Variants in KCNJ4 observed in about 807,000 individuals in gnomAD.
KCNJ4 encodes potassium inwardly rectifying channel subfamily J member 4.
KCNJ4 carries 3 observed loss-of-function variants against 25.6 expected under a neutral mutation model. The observed-to-expected ratio is 0.12, with a 90% CI of 0.05 to 0.30. The LOEUF is 0.30. Among genes scored for constraint, KCNJ4 ranks in the 10% least tolerant of loss-of-function variants. The pLI is 1.00. For missense variants in KCNJ4, 286 were observed against 666.8 expected, an observed-to-expected ratio of 0.43 and a Z score of 6.29; for synonymous variants, 257 against 283.9, an observed-to-expected ratio of 0.91 and a Z score of 0.95.
chr22:38,440,737 C>G (rs2089326319), intron 1 of KCNJ4, among the ~76,000 whole-genome samples: 1 of 151,946 alleles, frequency 6.6e-6, no homozygotes, highest in Non-Finnish European at 1.5e-5. Flanking sequence ...CCATGGAGCT[C>G]AAAAGGAGAT....
chr22:38,434,748 A>G (rs2093060627), intron 1 of KCNJ4, among the ~76,000 whole-genome samples: 1 of 152,144 alleles, frequency 6.6e-6, no homozygotes, highest in Non-Finnish European at 1.5e-5. Flanking sequence ...TCTGCAGCAC[A>G]TGGCCTCTGT....
chr22:38,434,187 C>T (rs914309331), intron 1 of KCNJ4, among the ~76,000 whole-genome samples: 4 of 152,162 alleles, frequency 2.6e-5, no homozygotes, highest in African/African-American at 9.7e-5. Context: ...GCCAGCCTGC[C>T]AGGTTGTCAT....
intron 1 of KCNJ4, among the ~76,000 whole-genome samples, chr22:38,447,625 T>TG (rs1555919467): frequency 6.6e-6 from 1 of 151,746 alleles, no homozygotes; most frequent in African/African-American, 2.4e-5. Context: ...TGCAGGGGGT[T>TG]GGGGGAAGCT....
rs2093036500 is a variant in KCNJ4, at chr22:38,427,527, G to A, written c.606C>T (p.Leu202=). ...VISVRDGKLC[L]MWRVGNLRKS... is the part of the protein sequence containing the mutation. ...TGCGCAGGTTGCCCACGCGCCACAT[G>A]AGGCAGAGCTTGCCGTCGCGCACCG... Residue 202 remains leucine, a synonymous_variant, in exon 2 of 2, where the codon CTC becomes CTT. Coordinates refer to ENST00000303592, the MANE Select transcript of KCNJ4 (RefSeq NM_152868.3). The A allele has an allele frequency of 6.2e-7, 1 of 1,611,770 alleles. No individual in the cohort carries two copies. Among genetic ancestry groups the A allele is most frequent in the East Asian group, 2.2e-5 (1 of 44,786 alleles).
In KCNJ4 at chr22:38,427,518, G is replaced by A. The variant is rs1467009252; in HGVS notation, c.615C>T (p.Arg205=). The change falls in exon 2 of 2, where the codon CGC becomes CGT. Residue 205 remains arginine, a synonymous_variant. Transcript: ENST00000303592. Reference sequence around the variant, plus strand: ...TGTGGCTCTTGCGCAGGTTGCCCACGCGCCACATGAGGCAGAGCTTGCCGT... The same window carrying A: ...TGTGGCTCTTGCGCAGGTTGCCCACACGCCACATGAGGCAGAGCTTGCCGT... ...VRDGKLCLMW[R]VGNLRKSHIV... 1.5e-5 allele frequency: 24 copies of A among 1,611,690 alleles called. 1 individual carries two copies. Among genetic ancestry groups the A allele is most frequent in the East Asian group, 4.5e-5 (2 of 44,820 alleles).
chr22:38,446,243 C>T (rs1205916602), intron 1 of KCNJ4, among the ~76,000 whole-genome samples: 14 of 152,236 alleles, frequency 9.2e-5, no homozygotes, highest in Non-Finnish European at 1.5e-5. Flanking sequence ...TGTCCTCTAG[C>T]CTGTTGTCTC....
chr22:38,440,126 C>T (rs1316326971), intron 1 of KCNJ4, among the ~76,000 whole-genome samples: 1 of 151,936 alleles, frequency 6.6e-6, no homozygotes, highest in East Asian at 1.9e-4. Context: ...TACAACATTC[C>T]TAGCCAGGTG....
intron 1 of KCNJ4, among the ~76,000 whole-genome samples, chr22:38,440,801 A>G (rs916991668): frequency 6.6e-6 from 1 of 152,156 alleles, no homozygotes; most frequent in Admixed American, 6.5e-5. Flanking sequence ...TGAGGGTGGA[A>G]GGGGGTTGTC....
chr22:38,452,184 C>G (rs1373201592), intron 1 of KCNJ4, among the ~76,000 whole-genome samples: 1 of 152,174 alleles, frequency 6.6e-6, no homozygotes, highest in African/African-American at 2.4e-5. Context: ...CTTAAGGGCA[C>G]CTTCTTTCAG....
rs1243029945 is a variant in KCNJ4 at position 38,449,463 on chromosome 22, G to C, written c.-40+5517C>G. On this transcript the variant is annotated intron_variant, in intron 1 of 1. Transcript: ENST00000303592. This position sits in a 1 kb window ranked among gnomAD's most constrained non-coding sequence, Gnocchi z 5.2. ...CTTCCCTCCTGCAGCAATACCCTGA[G>C]AACACTGCTCTCACCCCAGCCACCA... 6.6e-6 allele frequency among the ~76,000 whole-genome samples: 1 copy of C among 152,210 alleles called. No homozygotes were observed. Among genetic ancestry groups the C allele is most frequent in the Non-Finnish European group, 1.5e-5 (1 of 68,018 alleles).
intron 1 of KCNJ4, among the ~76,000 whole-genome samples, chr22:38,433,988 C>T (rs1380499812): frequency 1.3e-5 from 2 of 152,220 alleles, no homozygotes; most frequent in Non-Finnish European, 2.9e-5. Context: ...CGGCAGGTCC[C>T]AGCTACCTGG....
chr22:38,448,798 C>T (rs196088), intron 1 of KCNJ4, among the ~76,000 whole-genome samples: 5 of 152,034 alleles, frequency 3.3e-5, no homozygotes, highest in East Asian at 1.9e-4. Flanking sequence ...CCAATGCAGC[C>T]GCAGACAGGA....
chr22:38,444,392 G>T (rs1176239729), intron 1 of KCNJ4, among the ~76,000 whole-genome samples: 2 of 152,222 alleles, frequency 1.3e-5, no homozygotes, highest in Non-Finnish European at 1.5e-5. Context: ...AGCGGAGGTG[G>T]CCTCTGAGCA....
chr22:38,454,354 T>C (rs2089426175), intron 1 of KCNJ4, among the ~76,000 whole-genome samples: 1 of 151,694 alleles, frequency 6.6e-6, no homozygotes, highest in African/African-American at 2.4e-5. Flanking sequence ...CAGGGGAAGT[T>C]CTCCCTGCGG....
chr22:38,443,134 A>C lies in KCNJ4; in HGVS notation c.-40+11846T>G, dbSNP rs947920993. 1.3e-5 allele frequency among the ~76,000 whole-genome samples: 2 copies of C among 151,846 alleles called. No individual in the cohort carries two copies. The highest frequency in any genetic ancestry group is 4.8e-5 in the African/African-American group (2 of 41,294). On this transcript the variant is annotated intron_variant, in intron 1 of 1. Coordinates refer to ENST00000303592, the MANE Select transcript of KCNJ4 (RefSeq NM_152868.3). This position sits in a 1 kb window ranked among gnomAD's most constrained non-coding sequence, Gnocchi z 4.1. ...GCTCCTCTGTGCCCCCTTCCCTCTC[A>C]GCAGCTCTGATGGAGGCTCTGGACT...
chr22:38,448,559 G>A (rs1225674371), intron 1 of KCNJ4, among the ~76,000 whole-genome samples: 6 of 152,176 alleles, frequency 3.9e-5, no homozygotes, highest in African/African-American at 1.2e-4. Flanking sequence ...CTGGGGAGAA[G>A]GAGCTTAAAG....
chr22:38,430,043 C>G (rs1386071507), intron 1 of KCNJ4, among the ~76,000 whole-genome samples: 3 of 152,140 alleles, frequency 2.0e-5, no homozygotes, highest in Non-Finnish European at 4.4e-5. Context: ...TGAGCCCTGC[C>G]CCCACCTCCT....
chr22:38,436,021 T>C (rs2093064437), intron 1 of KCNJ4, among the ~76,000 whole-genome samples: 1 of 152,138 alleles, frequency 6.6e-6, no homozygotes, highest in Non-Finnish European at 1.5e-5. Flanking sequence ...CTCCCTCCTC[T>C]TCATGAGTCT....
At position 38,441,908 on chromosome 22, in the gene KCNJ4, T is replaced by C. The variant is rs74316002; in HGVS notation, c.-40+13072A>G. Among the ~76,000 whole-genome samples the C allele has an allele frequency of 2.7e-3, 413 of 152,234 alleles. 2 individuals are homozygous for C. Among genetic ancestry groups the C allele is most frequent in the African/African-American group, 9.3e-3 (388 of 41,532 alleles). The stretch of plus-strand genomic sequence containing the variant: ...CAGGAGAGAGCTCTGTGAGGAGCAA[T>C]GTAGGTCTTCAAGATGTATTTTTAA... On this transcript the variant is annotated intron_variant, in intron 1 of 1. Transcript: ENST00000303592.
Sources: allele counts gnomAD v4.1 joint callset (sites outside exome capture counted in the v4.1 genomes callset), GRCh38; gene constraint gnomAD v4.1.1; non-coding constraint Gnocchi (gnomAD v3.1); transcripts MANE v1.5; gene names NCBI Gene and HGNC (gene_info 2026-07-23, HGNC 2026-07-21).